RORA: variants seen among roughly 807,000 people sequenced by gnomAD.
RORA encodes the protein nuclear receptor ROR-alpha.
RORA carries 7 observed loss-of-function variants against 69.5 expected under a neutral mutation model. The observed-to-expected ratio is 0.10, with a 90% CI of 0.06 to 0.19. The LOEUF is 0.19. Among genes scored for constraint, RORA ranks in the 10% least tolerant of loss-of-function variants. The pLI is 1.00. For missense variants in RORA, 457 were observed against 663.0 expected (o/e 0.69, Z 3.41); for synonymous variants, 261 against 240.8 (o/e 1.08, Z -0.78).
chr15:61,075,759 G>A (rs1165481540), intron 1 of RORA, among the ~76,000 whole-genome samples: 5 of 152,286 alleles, frequency 3.3e-5, no homozygotes, highest in Admixed American at 2.0e-4. Flanking sequence ...ACCTCCTCGC[G>A]TTATACCACA....
Position 60,787,985 on chromosome 15 carries a change from T to G in RORA, c.167-109299A>C, listed in dbSNP as rs114144217. On this transcript the variant is annotated intron_variant, in intron 1 of 10. Coordinates refer to ENST00000335670, the MANE Select transcript of RORA (RefSeq NM_134261.3). The stretch of plus-strand genomic sequence containing the variant: ...CAGTTCCTACCCTCATGGAGCTAAG[T>G]CTGGTGGCAGTGATAGGCACACAAA... 4.9e-3 allele frequency among the ~76,000 whole-genome samples: 754 copies of G among 152,324 alleles called. 7 individuals carry two copies. The highest frequency in any genetic ancestry group is 0.017 in the African/African-American group (722 of 41,566).
chr15:60,630,210 G>T (rs1224123319), intron 2 of RORA, among the ~76,000 whole-genome samples: 3 of 152,200 alleles, frequency 2.0e-5, no homozygotes, highest in Non-Finnish European at 4.4e-5. Flanking sequence ...CCCTGATTTG[G>T]AAAGTATATA....
intron 1 of RORA, among the ~76,000 whole-genome samples, chr15:61,205,050 C>T (rs999721338): frequency 6.6e-6 from 1 of 152,214 alleles, no homozygotes; most frequent in African/African-American, 2.4e-5. Context: ...AAAATATCAA[C>T]GTGTCATATG....
At chr15:61,143,631 C>T (rs1251412568) in intron 1 of RORA, among the ~76,000 whole-genome samples, 1 of 152,102 alleles carries the variant, frequency 6.6e-6, no homozygotes, top group Non-Finnish European at 1.5e-5. Context: ...CACATAGAAA[C>T]ATTTGTTATA....
intron 2 of RORA, among the ~76,000 whole-genome samples, chr15:60,597,617 T>TACAC (rs1555436026): frequency 2.3e-5 from 1 of 43,550 alleles, no homozygotes; most frequent in Non-Finnish European, 3.8e-5. Context: ...TATATATATA[T>TACAC]ACATACATAT....
chr15:60,614,561 T>C (rs1233694974), intron 2 of RORA, among the ~76,000 whole-genome samples: 1 of 152,180 alleles, frequency 6.6e-6, no homozygotes, highest in Non-Finnish European at 1.5e-5. Flanking sequence ...GGGTTTGGAA[T>C]GCAGTTCACG....
intron 2 of RORA, among the ~76,000 whole-genome samples, chr15:60,535,716 G>T (rs1249115987): frequency 6.6e-6 from 1 of 152,178 alleles, no homozygotes; most frequent in Non-Finnish European, 1.5e-5. Context: ...AAAATTGTAT[G>T]ACAGGCACCC....
At chr15:61,090,153 A>G (rs1380692154) in intron 1 of RORA, among the ~76,000 whole-genome samples, 3 of 152,210 alleles carry the variant, frequency 2.0e-5, no homozygotes, top group African/African-American at 7.2e-5. Flanking sequence ...TAAAGTGAGG[A>G]TAGTGCCTGT....
At chr15:61,175,801 G>T (rs1464751277) in intron 1 of RORA, among the ~76,000 whole-genome samples, 1 of 152,138 alleles carries the variant, frequency 6.6e-6, no homozygotes, top group Non-Finnish European at 1.5e-5. Flanking sequence ...GAGCCACAAA[G>T]CTAAGTCTCA....
chr15:60,667,608 C>T (rs923147692), intron 2 of RORA, among the ~76,000 whole-genome samples: 2 of 151,914 alleles, frequency 1.3e-5, no homozygotes, highest in East Asian at 1.9e-4. Flanking sequence ...GAGTATAGTT[C>T]GTTTTTTGTT....
chr15:61,224,005 C>CAAA (rs11434024), intron 1 of RORA, among the ~76,000 whole-genome samples: 6,350 of 142,612 alleles, frequency 0.045, 297 homozygotes, highest in African/African-American at 0.12. Context: ...AATTAGATAT[C>CAAA]AAAAAAAAAA....
chr15:60,899,485 A>C (rs1891325096), intron 1 of RORA, among the ~76,000 whole-genome samples: 2 of 152,200 alleles, frequency 1.3e-5, no homozygotes, highest in Non-Finnish European at 2.9e-5. Context: ...TTAGTAATAA[A>C]AGGTAAGTGA....
intron 1 of RORA, among the ~76,000 whole-genome samples, chr15:60,749,089 A>T (rs773443534): frequency 1.3e-5 from 2 of 152,218 alleles, no homozygotes; most frequent in African/African-American, 4.8e-5. Flanking sequence ...GGTGTAGTTT[A>T]TGAGCAGTGG....
chr15:60,811,804 ATTAAT>A (rs879625139), intron 1 of RORA, among the ~76,000 whole-genome samples: 13,763 of 152,262 alleles, frequency 0.09, 1,266 homozygotes, highest in African/African-American at 0.23. Context: ...CTATTTGATC[ATTAAT>A]CCACAGTAAG....
intron 1 of RORA, among the ~76,000 whole-genome samples, chr15:60,747,276 T>C (rs1441125765): frequency 6.6e-6 from 1 of 152,148 alleles, no homozygotes; most frequent in African/African-American, 2.4e-5. Context: ...GTGAGGAAGA[T>C]CTTTTTAACT....
At chr15:61,013,447 G>C (rs1347327594) in intron 1 of RORA, among the ~76,000 whole-genome samples, 1 of 152,204 alleles carries the variant, frequency 6.6e-6, no homozygotes, top group Non-Finnish European at 1.5e-5. Context: ...TAAGACAACT[G>C]ACAGGGAAGT....
rs929532325 is a variant in RORA, at chr15:60,841,576, T to C, written c.167-162890A>G. Among the ~76,000 whole-genome samples the C allele has an allele frequency of 7.9e-5, 12 of 152,344 alleles. No individual in the cohort carries two copies. In the East Asian group the frequency reaches 1.7e-3, roughly 22 times the overall value. On this transcript the variant is annotated intron_variant, in intron 1 of 10. Transcript: ENST00000335670. ...CAGGAAAGGAAGAGTAAAAATGCTA[T>C]TGAGAAAGACCTGGTTTTTCTGTTT...
At chr15:60,694,988 A>C (rs948568384) in intron 1 of RORA, among the ~76,000 whole-genome samples, 3 of 152,202 alleles carry the variant, frequency 2.0e-5, no homozygotes, top group Admixed American at 2.0e-4. Context: ...CAGGCTTGCC[A>C]TCTACCCCCG....
chr15:61,105,003 C>CCA (rs1180699443), intron 1 of RORA, among the ~76,000 whole-genome samples: 1 of 142,966 alleles, frequency 7.0e-6, no homozygotes, highest in Non-Finnish European at 1.5e-5. Flanking sequence ...GCGCCCCCCC[C>CCA]ACCGCCCAGC....
Sources: allele counts gnomAD v4.1 joint callset (sites outside exome capture counted in the v4.1 genomes callset), GRCh38; gene constraint gnomAD v4.1.1; transcripts MANE v1.5; gene names NCBI Gene and HGNC (gene_info 2026-07-23, HGNC 2026-07-21).